DCAF8L2: variants seen among roughly 807,000 people sequenced by gnomAD.
DCAF8L2 encodes DDB1- and CUL4-associated factor 8-like protein 2.
For synonymous variants in DCAF8L2, 200 were observed against 190.9 expected (o/e 1.05, Z -0.39); for missense variants, 430 against 490.7 (o/e 0.88, Z 1.17).
intron 2 of DCAF8L2, among the ~76,000 whole-genome samples, chrX:27,658,251 G>A (rs1929425735): frequency 8.9e-6 from 1 of 111,803 alleles, no homozygotes; most frequent in Non-Finnish European, 1.9e-5. Context: ...ATTGTTAAAA[G>A]AGCATAATAT....
chrX:27,600,104 T>C (rs1216854424), intron 1 of DCAF8L2, among the ~76,000 whole-genome samples: 2 of 111,952 alleles, frequency 1.8e-5, no homozygotes, highest in African/African-American at 6.5e-5. Context: ...AGAGAAACTT[T>C]TATGGTGCTG....
chrX:27,522,242 C>G, the DCAF8L2 span, among the ~76,000 whole-genome samples: 33,678 of 110,459 alleles, frequency 0.3, 3,986 homozygotes, highest in African/African-American at 0.41. Flanking sequence ...GGTCAGGCTG[C>G]TCTCAAACTC....
intron 3 of DCAF8L2, among the ~76,000 whole-genome samples, chrX:27,691,826 G>A (rs1930722467): frequency 9.0e-6 from 1 of 111,570 alleles, no homozygotes; most frequent in South Asian, 3.7e-4. Flanking sequence ...CCTGAAGGAG[G>A]ATAGGTGGTG....
intron 3 of DCAF8L2, among the ~76,000 whole-genome samples, chrX:27,683,193 TA>T (rs1223280969): frequency 9.0e-6 from 1 of 111,615 alleles, no homozygotes; most frequent in African/African-American, 3.3e-5. Context: ...AAAGGAAAAA[TA>T]ATTGGCTTTA....
chrX:27,477,283 CTTGTTT>C, the DCAF8L2 span, among the ~76,000 whole-genome samples: 1 of 111,728 alleles, frequency 9.0e-6, no homozygotes, highest in Non-Finnish European at 1.9e-5. Flanking sequence ...GTGTGTTTCT[CTTGTTT>C]TTGTTTTTGT....
At chrX:27,676,593 A>G (rs770288332) in intron 2 of DCAF8L2, among the ~76,000 whole-genome samples, 127 of 110,536 alleles carry the variant, frequency 1.1e-3, no homozygotes, top group African/African-American at 4.1e-3. Context: ...AAAGAGTCCA[A>G]ATAAGTAGGA....
intron 3 of DCAF8L2, among the ~76,000 whole-genome samples, chrX:27,712,095 T>G (rs770147018): frequency 9.0e-6 from 1 of 111,502 alleles, no homozygotes; most frequent in Admixed American, 9.6e-5. Context: ...TTTTTATTAT[T>G]AATATAGCTA....
At chrX:27,662,768 T>C (rs1360417994) in intron 2 of DCAF8L2, among the ~76,000 whole-genome samples, 2 of 111,633 alleles carry the variant, frequency 1.8e-5, no homozygotes, top group African/African-American at 3.2e-5. Context: ...AAAATAGCCA[T>C]GTAAATTTAT....
intron 4 of DCAF8L2, among the ~76,000 whole-genome samples, chrX:27,725,989 A>G (rs903393848): frequency 1.8e-5 from 2 of 111,716 alleles, no homozygotes. Flanking sequence ...ATGAGTTAGC[A>G]ACCTATCTTA....
chrX:27,620,018 CAATT>C (rs1331650397), intron 1 of DCAF8L2, among the ~76,000 whole-genome samples: 1 of 111,258 alleles, frequency 9.0e-6, no homozygotes, highest in Non-Finnish European at 1.9e-5. Flanking sequence ...AATTTTAAAA[CAATT>C]TTAAAGTTAC....
the DCAF8L2 span, among the ~76,000 whole-genome samples, chrX:27,544,451 C>T: frequency 9.0e-6 from 1 of 111,712 alleles, no homozygotes; most frequent in Non-Finnish European, 1.9e-5. Context: ...TTAGATCTTT[C>T]AATTTATGTG....
Position 27,704,181 on chromosome X carries a change from C to CACACACACACACACACATAT in DCAF8L2, c.-142-11898_-142-11897insCACACACATATACACACACA, listed in dbSNP as rs200753295. The stretch of plus-strand genomic sequence containing the variant: ...ATATATATATATATATATACATATA[C>CACACACACACACACACATAT]ACACACACATATGTATATACACATG... On this transcript the variant is annotated intron_variant, in intron 3 of 4. Coordinates refer to ENST00000451261, the MANE Select transcript of DCAF8L2 (RefSeq NM_001353450.2). Among the ~76,000 whole-genome samples the CACACACACACACACACATAT allele has an allele frequency of 1.5e-3, 135 of 89,421 alleles. 2 individuals are homozygous for CACACACACACACACACATAT. Among genetic ancestry groups the CACACACACACACACACATAT allele is most frequent in the African/African-American group, 6.9e-3 (124 of 18,073 alleles). 77.7% of individuals were successfully genotyped at this position (89,421 alleles called of 115,157 possible). A position where few individuals can be genotyped will look rare whatever the true frequency, so the allele number is the denominator to read the frequency against.
the DCAF8L2 span, among the ~76,000 whole-genome samples, chrX:27,508,936 T>C: frequency 2.7e-5 from 3 of 110,593 alleles, no homozygotes; most frequent in African/African-American, 6.6e-5. Flanking sequence ...AAGGACTTAA[T>C]AGAATCCAAC....
chrX:27,641,607 G>A (rs772025843), intron 2 of DCAF8L2, among the ~76,000 whole-genome samples: 54 of 109,175 alleles, frequency 4.9e-4, no homozygotes, highest in Non-Finnish European at 1.0e-3. Context: ...GAATAGCTGG[G>A]ATTCCAGGTG....
At chrX:27,664,030 C>T (rs1333850184) in intron 2 of DCAF8L2, among the ~76,000 whole-genome samples, 1 of 109,154 alleles carries the variant, frequency 9.2e-6, no homozygotes, top group Admixed American at 9.9e-5. Context: ...TAATTGATAA[C>T]CCTACAATGG....
chrX:27,533,387 G>T, the DCAF8L2 span, among the ~76,000 whole-genome samples: 2 of 108,565 alleles, frequency 1.8e-5, no homozygotes, highest in Non-Finnish European at 3.8e-5. Context: ...TCCAGCATGG[G>T]ATACCCCATC....
chrX:27,619,345 A>G (rs750522492), intron 1 of DCAF8L2, among the ~76,000 whole-genome samples: 1 of 111,250 alleles, frequency 9.0e-6, no homozygotes, highest in South Asian at 3.8e-4. Flanking sequence ...GGCCTCATCC[A>G]GAAAAGCACA....
chrX:27,651,154 C>T (rs975278626), intron 2 of DCAF8L2, among the ~76,000 whole-genome samples: 12 of 111,929 alleles, frequency 1.1e-4, no homozygotes, highest in Non-Finnish European at 1.9e-4. Context: ...CCTACTTCAT[C>T]ATGGTGAATT....
intron 1 of DCAF8L2, among the ~76,000 whole-genome samples, chrX:27,600,841 A>T (rs1331102441): frequency 8.9e-6 from 1 of 112,382 alleles, no homozygotes; most frequent in African/African-American, 3.2e-5. Context: ...CAAATAGTGA[A>T]GGAATATGTC....
Sources: gnomAD v4.1 joint callset for allele counts (sites outside exome capture counted in the v4.1 genomes callset) on GRCh38, gnomAD v4.1.1 for gene constraint, MANE v1.5 for transcripts, NCBI Gene and HGNC (gene_info 2026-07-23, HGNC 2026-07-21) for gene names.